XKR6: variants seen among roughly 807,000 people sequenced by gnomAD.
XKR6 encodes XK-related protein 6.
In XKR6, 22 loss-of-function variants were observed where a neutral mutation model predicts 56.7. The ratio of observed to expected loss-of-function variants is 0.39; its 90% CI spans 0.28 to 0.55. The LOEUF (loss-of-function observed/expected upper bound fraction) is 0.55. XKR6 is among the 20% of genes least tolerant of loss of function. XKR6 has a pLI of 0.66. For missense variants in XKR6, 852 were observed against 889.0 expected, an observed-to-expected ratio of 0.96 and a Z score of 0.53; for synonymous variants, 524 against 387.8, an observed-to-expected ratio of 1.35 and a Z score of -4.13.
At chr8:10,932,413 T>A (rs1801077311) in intron 1 of XKR6, among the ~76,000 whole-genome samples, 2 of 134,406 alleles carry the variant, frequency 1.5e-5, no homozygotes, top group Non-Finnish European at 3.2e-5. Flanking sequence ...TTTTAGCAGT[T>A]ATTTTCTTTT....
chr8:11,128,312 T>G (rs1191550629), intron 1 of XKR6, among the ~76,000 whole-genome samples: 1 of 152,176 alleles, frequency 6.6e-6, no homozygotes, highest in East Asian at 1.9e-4. Context: ...CAGGCCTTCC[T>G]GTCTACACTC....
chr8:10,996,145 A>G (rs922960089), intron 1 of XKR6, among the ~76,000 whole-genome samples: 3 of 152,260 alleles, frequency 2.0e-5, no homozygotes, highest in African/African-American at 7.2e-5. Flanking sequence ...AGTAATCATT[A>G]TCTGTTACCA....
intron 1 of XKR6, among the ~76,000 whole-genome samples, chr8:11,071,362 C>A (rs112422287): frequency 4.3e-4 from 65 of 152,340 alleles, no homozygotes; most frequent in African/African-American, 1.2e-3. Context: ...GCCTCAGCCT[C>A]CCAAGTAGCT....
chr8:10,952,253 A>G (rs1378041574), intron 1 of XKR6, among the ~76,000 whole-genome samples: 4 of 152,060 alleles, frequency 2.6e-5, no homozygotes, highest in Admixed American at 2.6e-4. Context: ...TGATTGGGTA[A>G]TGGGGTAGTG....
At chr8:11,196,393 T>A (rs967770325) in intron 1 of XKR6, among the ~76,000 whole-genome samples, 7 of 152,042 alleles carry the variant, frequency 4.6e-5, no homozygotes, top group African/African-American at 1.7e-4. Context: ...CAGAATGAGA[T>A]TAATACTTGA....
chr8:10,953,211 TTATCTTC>T (rs1365621611), intron 1 of XKR6, among the ~76,000 whole-genome samples: 3 of 152,124 alleles, frequency 2.0e-5, no homozygotes, highest in African/African-American at 2.4e-5. Context: ...TGTGGAAAAA[TTATCTTC>T]CATGAAACTG....
chr8:10,897,680 T>A lies in XKR6; in HGVS notation c.*272A>T, dbSNP rs528092641. 2.8e-6 allele frequency: 1 copy of A among 351,224 alleles called. No homozygotes were observed. Among genetic ancestry groups the A allele is most frequent in the South Asian group, 1.0e-4 (1 of 10,044 alleles). 21.8% of individuals were successfully genotyped at this position (351,224 alleles called of 1,614,324 possible). The stretch of plus-strand genomic sequence containing the variant: ...GGATTTTTCAATACTGTTTCTTATG[T>A]GTAAAAAACAAAAGAAAGGTTTTCT... On this transcript the variant is annotated 3_prime_UTR_variant, in exon 3 of 3. Transcript: ENST00000416569.
chr8:11,013,747 A>G (rs749323707), intron 1 of XKR6, among the ~76,000 whole-genome samples: 85 of 152,156 alleles, frequency 5.6e-4, no homozygotes, highest in Non-Finnish European at 1.1e-3. Context: ...CCAATTCCCC[A>G]CCCATGTTTG....
intron 1 of XKR6, among the ~76,000 whole-genome samples, chr8:11,055,789 T>G (rs1180487439): frequency 2.1e-5 from 3 of 144,308 alleles, no homozygotes; most frequent in Non-Finnish European, 4.6e-5. Flanking sequence ...GGCCCCGAAG[T>G]CCACTGCACA....
chr8:11,021,495 T>C (rs1798748048), intron 1 of XKR6, among the ~76,000 whole-genome samples: 1 of 152,148 alleles, frequency 6.6e-6, no homozygotes, highest in South Asian at 2.1e-4. Flanking sequence ...GGATAGTCAT[T>C]TCTTTCTTCA....
At chr8:11,109,197 T>G (rs776240170) in intron 1 of XKR6, 17 of 152,230 alleles carry the variant, frequency 1.1e-4, no homozygotes, top group Non-Finnish European at 2.2e-4. Context: ...TTTCCCTATG[T>G]CTAGATGTGT....
rs575794161 is a variant in XKR6 at position 11,063,240 on chromosome 8, G to C, written c.764+137336C>G. 6.6e-5 allele frequency among the ~76,000 whole-genome samples: 10 copies of C among 151,208 alleles called. No individual in the cohort carries two copies. In the South Asian group the frequency reaches 2.1e-3, roughly 32 times the overall value. Reference sequence around the variant, plus strand: ...AAATAAATAAGGTAACATAAAATAAGATTAGCTTGTCTTCAGAGGGACAGA... The same window carrying C: ...AAATAAATAAGGTAACATAAAATAACATTAGCTTGTCTTCAGAGGGACAGA... On this transcript the variant is annotated intron_variant, in intron 1 of 2. Coordinates refer to ENST00000416569, the MANE Select transcript of XKR6 (RefSeq NM_173683.4).
At chr8:10,914,651 A>G (rs1206043107) in intron 2 of XKR6, among the ~76,000 whole-genome samples, 2 of 152,160 alleles carry the variant, frequency 1.3e-5, no homozygotes, top group Non-Finnish European at 2.9e-5. Context: ...GATTGGAGAG[A>G]TCTGAGCAGT....
chr8:10,953,677 G>C (rs1801795257), intron 1 of XKR6, among the ~76,000 whole-genome samples: 1 of 152,148 alleles, frequency 6.6e-6, no homozygotes, highest in Non-Finnish European at 1.5e-5. Context: ...GATAATAGCT[G>C]TATTTATTTA....
intron 1 of XKR6, chr8:11,105,865 T>C (rs936601376): frequency 1.3e-5 from 2 of 152,188 alleles, no homozygotes; most frequent in African/African-American, 4.8e-5. Flanking sequence ...CACAAACATA[T>C]ACAAGCAGCT....
rs373879147 is a variant in XKR6 at position 11,178,547 on chromosome 8, A to AATAT, written c.764+22025_764+22028dup. ...TAAGTCCAAACATCTGAGAGGTAAA[A>AATAT]ATATATATATATATATATATATATA... On this transcript the variant is annotated intron_variant, in intron 1 of 2. Coordinates refer to ENST00000416569, the MANE Select transcript of XKR6 (RefSeq NM_173683.4). 5.4e-3 allele frequency among the ~76,000 whole-genome samples: 480 copies of AATAT among 88,478 alleles called. 3 individuals are homozygous for AATAT. The highest frequency in any genetic ancestry group is 6.0e-3 in the Non-Finnish European group (270 of 45,272). 58.0% of individuals were successfully genotyped at this position (88,478 alleles called of 152,430 possible).
In XKR6 at chr8:10,924,653, G is replaced by A; in HGVS notation, c.942C>T (p.Asn314=). The change falls in exon 2 of 3, where the codon AAC becomes AAT. Residue 314 remains asparagine, a synonymous_variant. Transcript: ENST00000416569. ...ACTCACAGGGCAGGGTCTCGGCGCTGTTCTTCTGGAGCATGATGTAGAGCT... is the reference window on the plus strand; with the variant it reads ...ACTCACAGGGCAGGGTCTCGGCGCTATTCTTCTGGAGCATGATGTAGAGCT... The part of the protein sequence containing the change: ...VLQLYIMLQK[N]SAETLPCVSS... 1 of 1,608,198 alleles carries A rather than the reference G, an allele frequency of 6.2e-7. No homozygotes were observed. The highest frequency in any genetic ancestry group is 1.1e-5 in the South Asian group (1 of 90,930).
rs192424809 is a variant in XKR6 at position 11,148,228 on chromosome 8, A to G, written c.764+52348T>C. On this transcript the variant is annotated intron_variant, in intron 1 of 2. Transcript: ENST00000416569. Reference sequence around the variant, plus strand: ...CTGTCTCAAAAACAAACAGACAAACAAACAAAAAAAAACTAAAATGAGGCT... The same window carrying G: ...CTGTCTCAAAAACAAACAGACAAACGAACAAAAAAAAACTAAAATGAGGCT... Among the ~76,000 whole-genome samples, 583 of 152,208 alleles carry G rather than the reference A, an allele frequency of 3.8e-3. 3 individuals carry two copies. Among genetic ancestry groups the G allele is most frequent in the Admixed American group, 0.012 (179 of 15,296 alleles).
chr8:10,937,736 C>A (rs1393356344), intron 1 of XKR6, among the ~76,000 whole-genome samples: 6 of 149,322 alleles, frequency 4.0e-5, no homozygotes, highest in African/African-American at 4.9e-5. Flanking sequence ...CAGGGACCCA[C>A]TTGAGGAGGC....
Sources: gnomAD v4.1 joint callset for allele counts (sites outside exome capture counted in the v4.1 genomes callset) on GRCh38, gnomAD v4.1.1 for gene constraint, MANE v1.5 for transcripts, NCBI Gene and HGNC (gene_info 2026-07-23, HGNC 2026-07-21) for gene names.